Variants in FAR2 observed in about 807,000 individuals in gnomAD.
FAR2 encodes fatty acyl-CoA reductase 2, also known as epididymis secretory protein Li 81.
A neutral mutation model predicts 56.0 loss-of-function variants in FAR2; 19 were observed. The observed-to-expected ratio is 0.34, with a 90% CI of 0.24 to 0.50. FAR2 has a LOEUF of 0.50. FAR2 is among the 20% of genes least tolerant of loss of function. The pLI, the probability that FAR2 is intolerant of heterozygous loss-of-function variation, is 0.98. For synonymous variants in FAR2, 219 were observed against 218.8 expected, an observed-to-expected ratio of 1.00 and a Z score of -0.01; for missense variants, 508 against 642.2, an observed-to-expected ratio of 0.79 and a Z score of 2.26.
intron 1 of FAR2, among the ~76,000 whole-genome samples, chr12:29,221,247 T>C (rs1947686860): frequency 6.6e-6 from 1 of 152,132 alleles, no homozygotes; most frequent in Non-Finnish European, 1.5e-5. Context: ...TTTCTACTTA[T>C]TGGGAGAACT....
chr12:29,321,774 C>T, intron 9 of FAR2, 21 bp from the exon 10 acceptor site: 1 of 1,611,080 alleles, frequency 6.2e-7, no homozygotes, highest in Admixed American at 1.7e-5. Flanking sequence ...GATATTTACT[C>T]CTATCTGATG....
At position 29,254,440 on chromosome 12, in the gene FAR2, T is replaced by A. The variant is rs80055545; in HGVS notation, c.-38-15972T>A. On this transcript the variant is annotated intron_variant, in intron 1 of 11. Coordinates refer to ENST00000536681, the MANE Select transcript of FAR2 (RefSeq NM_001271783.2). ...GTCCCAAACTCCTGAGCTCAAGCAA[T>A]CCTCATGCTTCAGTCTCTTGAGTAG... Among the ~76,000 whole-genome samples the A allele has an allele frequency of 5.1e-4, 77 of 152,288 alleles. No individual in the cohort carries two copies. The East Asian group carries it at 9.3e-3, about 18-fold the overall frequency.
In FAR2 at chr12:29,293,374, G is replaced by C. The variant is rs1332758585; in HGVS notation, c.264G>C (p.Gln88His). 1.2e-6 allele frequency: 2 copies of C among 1,612,710 alleles called. No individual in the cohort carries two copies. The highest frequency in any genetic ancestry group is 4.5e-5 in the East Asian group (2 of 44,856). ...KIRAIYADLN[Q>H]NDFAISKEDM... ...GAGCTATTTATGCAGATCTCAATCA[G>C]AATGACTTTGCCATCAGCAAAGAGG... Residue 88 changes from glutamine (Q) to histidine (H), a missense_variant, in exon 3 of 12, where the codon CAG becomes CAC. By Grantham distance (24) the Gln-to-His change is conservative. Transcript: ENST00000536681.
intron 1 of FAR2, among the ~76,000 whole-genome samples, chr12:29,258,375 C>T (rs965680937): frequency 2.0e-5 from 3 of 151,824 alleles, no homozygotes; most frequent in Non-Finnish European, 2.9e-5. Flanking sequence ...ACAAAAAAAT[C>T]GCAGGGATAT....
At chr12:29,175,202 C>T (rs1437086014) in intron 1 of FAR2, among the ~76,000 whole-genome samples, 2 of 152,198 alleles carry the variant, frequency 1.3e-5, no homozygotes, top group Admixed American at 6.5e-5. Context: ...GCTGATTGCC[C>T]CATCTGGGTC....
chr12:29,309,041 G>A (rs374560704), intron 5 of FAR2, 145 bp from the exon 6 acceptor site: 1 of 674,258 alleles, frequency 1.5e-6, no homozygotes, highest in Non-Finnish European at 2.6e-6. Flanking sequence ...TATCTTTTGA[G>A]ATCTTAATAA....
At chr12:29,227,735 T>G (rs1947791363) in intron 1 of FAR2, among the ~76,000 whole-genome samples, 1 of 152,184 alleles carries the variant, frequency 6.6e-6, no homozygotes, top group Non-Finnish European at 1.5e-5. Context: ...TTCTCTTGAC[T>G]GCAGGAAAAA....
chr12:29,315,156 A>G (rs1402590097), intron 8 of FAR2, among the ~76,000 whole-genome samples: 1 of 152,220 alleles, frequency 6.6e-6, no homozygotes, highest in African/African-American at 2.4e-5. Context: ...GGCCAAGGAA[A>G]GTCTCCCTGA....
intron 10 of FAR2, among the ~76,000 whole-genome samples, chr12:29,326,467 C>T (rs1234609642): frequency 6.6e-6 from 1 of 152,130 alleles, no homozygotes; most frequent in Non-Finnish European, 1.5e-5. Flanking sequence ...AATTTTAGAC[C>T]AATATCCTTG....
chr12:29,215,947 C>G (rs1011254232), intron 1 of FAR2, among the ~76,000 whole-genome samples: 1 of 152,100 alleles, frequency 6.6e-6, no homozygotes, highest in African/African-American at 2.4e-5. Context: ...TAGGGTTCAC[C>G]CTTCTGCATC....
At chr12:29,287,012 T>C (rs1320586015) in intron 2 of FAR2, among the ~76,000 whole-genome samples, 6 of 152,170 alleles carry the variant, frequency 3.9e-5, no homozygotes, top group East Asian at 3.8e-4. Context: ...CCCAGTCACA[T>C]AGCAAATCAA....
chr12:29,240,815 AT>A (rs1019715359), intron 1 of FAR2, among the ~76,000 whole-genome samples: 7 of 144,800 alleles, frequency 4.8e-5, no homozygotes, highest in African/African-American at 2.0e-4. Flanking sequence ...TTTTTTATAT[AT>A]TTTTTTTGAG....
At position 29,231,272 on chromosome 12, in the gene FAR2, G is replaced by A. The variant is rs187645922; in HGVS notation, c.-38-39140G>A. Among the ~76,000 whole-genome samples the A allele has an allele frequency of 1.5e-4, 23 of 152,270 alleles. 1 individual carries two copies. The highest frequency in any genetic ancestry group is 5.5e-4 in the African/African-American group (23 of 41,544). On this transcript the variant is annotated intron_variant, in intron 1 of 11. Coordinates refer to ENST00000536681, the MANE Select transcript of FAR2 (RefSeq NM_001271783.2). ...TGGTGGTAGACGTGACCAGGCAGAA[G>A]ATTAGAAGCTATTCAGGAGGCAAAT...
At chr12:29,212,288 G>T (rs1410788601) in intron 1 of FAR2, among the ~76,000 whole-genome samples, 2 of 152,000 alleles carry the variant, frequency 1.3e-5, no homozygotes, top group African/African-American at 4.8e-5. Context: ...AATAATTGCT[G>T]AATCTAGTGA....
intron 1 of FAR2, among the ~76,000 whole-genome samples, chr12:29,232,400 C>G (rs1591873912): frequency 6.6e-6 from 1 of 152,006 alleles, no homozygotes. Flanking sequence ...TTTTAATTTT[C>G]TTCCCTTCCT....
chr12:29,209,143 G>A (rs1947513243), intron 1 of FAR2, among the ~76,000 whole-genome samples: 1 of 151,922 alleles, frequency 6.6e-6, no homozygotes. Context: ...GAATTTCACT[G>A]GAAGAGTCCA....
chr12:29,288,822 A>T (rs1248293116), intron 2 of FAR2, among the ~76,000 whole-genome samples: 1 of 152,188 alleles, frequency 6.6e-6, no homozygotes, highest in Non-Finnish European at 1.5e-5. Context: ...TACAGGAATT[A>T]ATTTTAATTC....
At chr12:29,313,796 TA>T (rs1412065034) in intron 8 of FAR2, among the ~76,000 whole-genome samples, 4 of 149,170 alleles carry the variant, frequency 2.7e-5, no homozygotes, top group Non-Finnish European at 5.9e-5. Context: ...AAGGGTTTAT[TA>T]TTTTTTTCAA....
intron 2 of FAR2, chr12:29,281,426 T>C (rs1948781578): frequency 6.6e-6 from 1 of 152,150 alleles, no homozygotes. Flanking sequence ...CCATTATTAT[T>C]TGTGGTGGCT....
Sources: gnomAD v4.1 joint callset for allele counts (sites outside exome capture counted in the v4.1 genomes callset) on GRCh38, gnomAD v4.1.1 for gene constraint, MANE v1.5 for transcripts, NCBI Gene and HGNC (gene_info 2026-07-23, HGNC 2026-07-21) for gene names.